DNAH1: variants seen among roughly 807,000 people sequenced by gnomAD.
The protein encoded by DNAH1 is axonemal beta dynein heavy chain 1.
Under a neutral mutation model 484.3 loss-of-function variants are expected in DNAH1, and 327 were observed. The observed-to-expected ratio is 0.68, with a 90% CI of 0.62 to 0.74. The LOEUF (loss-of-function observed/expected upper bound fraction) is 0.74. DNAH1 is among the 30% of genes least tolerant of loss of function. The pLI is 0.00. For missense variants in DNAH1, 5,052 were observed against 5,546.8 expected, an observed-to-expected ratio of 0.91 and a Z score of 2.83; for synonymous variants, 2,192 against 2,191.9, an observed-to-expected ratio of 1.00 and a Z score of 0.00.
intron 9 of DNAH1, among the ~76,000 whole-genome samples, chr3:52,345,184 C>T (rs746990630): frequency 7.9e-5 from 12 of 152,172 alleles, no homozygotes; most frequent in Non-Finnish European, 1.6e-4. Context: ...GTGGACAGAC[C>T]TTAAGCTTGT....
chr3:52,370,058 A>C, intron 38 of DNAH1, 39 bp downstream of exon 38: 1 of 1,613,660 alleles, frequency 6.2e-7, no homozygotes, highest in Non-Finnish European at 8.5e-7. Flanking sequence ...CTGGCAGGGC[A>C]GCAGGGCACT....
intron 44 of DNAH1, chr3:52,373,959 C>G (rs977121253): frequency 2.5e-5 from 31 of 1,224,244 alleles, no homozygotes; most frequent in Non-Finnish European, 3.5e-5. Flanking sequence ...CTGGCTTCAT[C>G]TACACTTATT....
rs1339917149 is a variant in DNAH1 at position 52,384,818 on chromosome 3, G to A, written c.8355G>A (p.Val2785=). Residue 2785 remains valine, a synonymous_variant, in exon 53 of 78, where the codon GTG becomes GTA. Coordinates refer to ENST00000420323, the MANE Select transcript of DNAH1 (RefSeq NM_015512.5). ...TCTGTGTGTACATCCACCAGTCGGT[G>A]TCCAAGAAGTGCATCGAGTACCTGG... ...IQVCVYIHQS[V]SKKCIEYLAE... 11 of 1,606,446 alleles carry A rather than the reference G, an allele frequency of 6.8e-6. No homozygotes were observed. The highest frequency in any genetic ancestry group is 9.4e-6 in the Non-Finnish European group (11 of 1,176,412).
chr3:52,344,760 C>A, intron 9 of DNAH1, 113 bp downstream of exon 9: 1 of 1,145,344 alleles, frequency 8.7e-7, no homozygotes, highest in Non-Finnish European at 1.2e-6. Flanking sequence ...ATCAGCCCAA[C>A]ACTCCCTGCA....
chr3:52,356,883 G>A, intron 22 of DNAH1, 105 bp downstream of exon 22: 1 of 1,360,882 alleles, frequency 7.3e-7, no homozygotes, highest in African/African-American at 1.4e-5. Flanking sequence ...AAAGGCTGGT[G>A]GACAAGCCTG....
chr3:52,383,290 T>A, intron 50 of DNAH1, 96 bp from the exon 51 acceptor site: 1 of 1,112,886 alleles, frequency 9.0e-7, no homozygotes, highest in Non-Finnish European at 1.3e-6. Context: ...AGTGGTACAG[T>A]CTGTCAAATG....
intron 6 of DNAH1, among the ~76,000 whole-genome samples, chr3:52,329,407 AT>A (rs1436092300): frequency 3.9e-5 from 6 of 152,216 alleles, no homozygotes; most frequent in Non-Finnish European, 8.8e-5. Context: ...GAGAAGCAAA[AT>A]AGGTGAGCTA....
At chr3:52,372,612 G>T (rs1252819755) in intron 43 of DNAH1, among the ~76,000 whole-genome samples, 1 of 152,228 alleles carries the variant, frequency 6.6e-6, no homozygotes. Flanking sequence ...GCTCGCCCTG[G>T]CTGTGCCCTT....
At chr3:52,351,673 C>A (rs1166318184) in intron 16 of DNAH1, among the ~76,000 whole-genome samples, 1 of 152,230 alleles carries the variant, frequency 6.6e-6, no homozygotes, top group Non-Finnish European at 1.5e-5. Flanking sequence ...CTTCTCACTT[C>A]CCCTTGGTCC....
In DNAH1 at chr3:52,333,080, C is replaced by T. The variant is rs533197700; in HGVS notation, c.1286+686C>T. 3.9e-5 allele frequency among the ~76,000 whole-genome samples: 6 copies of T among 152,246 alleles called. No individual in the cohort carries two copies. The East Asian group carries it at 1.2e-3, about 29-fold the overall frequency. ...TTTGTTATTTTTTGTAGAGACAGATCTCCCTATGTTGCCCAGGCTGGCCTT... is the reference window on the plus strand; with the variant it reads ...TTTGTTATTTTTTGTAGAGACAGATTTCCCTATGTTGCCCAGGCTGGCCTT... On this transcript the variant is annotated intron_variant, in intron 8 of 77. Coordinates refer to ENST00000420323, the MANE Select transcript of DNAH1 (RefSeq NM_015512.5).
chr3:52,373,129 G>A (rs2153224819), intron 44 of DNAH1, 76 bp downstream of exon 44: 1 of 1,470,136 alleles, frequency 6.8e-7, no homozygotes, highest in South Asian at 1.4e-5. Flanking sequence ...CAGCACTGAA[G>A]GCCTACAATA....
At position 52,389,524 on chromosome 3, in the gene DNAH1, C is replaced by T. The variant is rs1369373128; in HGVS notation, c.9559C>T (p.His3187Tyr). 3.1e-6 allele frequency: 5 copies of T among 1,591,074 alleles called. No individual in the cohort carries two copies. The highest frequency in any genetic ancestry group is 1.7e-6 in the Non-Finnish European group (2 of 1,169,144). The change falls in exon 60 of 78, where the codon CAC (histidine) becomes TAC (tyrosine). Residue 3187 changes from histidine (H) to tyrosine (Y), a missense_variant. Around this residue, in one of 4 missense-constraint regions of DNAH1, gnomAD observed 2,929 missense variants for 3,409.4 expected, o/e 0.86. Coordinates refer to ENST00000420323, the MANE Select transcript of DNAH1 (RefSeq NM_015512.5). ...VKQLRSHNVP[H>Y]TSEPTLIGTL... The stretch of plus-strand genomic sequence containing the variant: ...GCAGCTCAGGAGCCACAATGTCCCA[C>T]ACACCTCCGAGCCCACGCTAATCGG...
chr3:52,360,170 C>G (rs147459262), intron 27 of DNAH1, 91 bp downstream of exon 27: 12 of 1,579,120 alleles, frequency 7.6e-6, no homozygotes, highest in Non-Finnish European at 1.0e-5. Flanking sequence ...AAGCTGGTCT[C>G]TGTCCTTGAG....
In DNAH1 at chr3:52,389,576, G is replaced by A. The variant is rs970203810; in HGVS notation, c.9611G>A (p.Arg3204Gln). The change falls in exon 60 of 78, where the codon CGA becomes CAA. Residue 3204 changes from arginine (R) to glutamine (Q), a missense_variant. Physicochemically the swap from Arg to Gln is conservative, Grantham distance 43. Around this residue, in one of 4 missense-constraint regions of DNAH1, gnomAD observed 2,929 missense variants for 3,409.4 expected, o/e 0.86. Transcript: ENST00000420323. ...IGTLGNPVKI[R>Q]SWQIAGLPND... ...ACGCTGGGGAACCCTGTGAAGATCC[G>A]ATCGTGGCAGGTGCCCACCCCAGGG... is the stretch of plus-strand genomic sequence containing the variant. The A allele has an allele frequency of 2.6e-5, 39 of 1,497,388 alleles. No individual in the cohort carries two copies. The highest frequency in any genetic ancestry group is 3.3e-5 in the Non-Finnish European group (37 of 1,122,330). 92.8% of individuals were successfully genotyped at this position (1,497,388 alleles called of 1,614,324 possible). A position where few individuals can be genotyped will look rare whatever the true frequency, so the allele number is the denominator to read the frequency against.
At chr3:52,312,758 TTC>T (rs935962002), upstream of DNAH1, among the ~76,000 whole-genome samples, 2 of 152,156 alleles carry the variant, frequency 1.3e-5, no homozygotes, top group Non-Finnish European at 2.9e-5. Context: ...GTTCACACCA[TTC>T]TCTTGCCTCA....
intron 50 of DNAH1, among the ~76,000 whole-genome samples, chr3:52,383,159 C>T (rs1703932113): frequency 6.6e-6 from 1 of 152,200 alleles, no homozygotes; most frequent in Non-Finnish European, 1.5e-5. Flanking sequence ...CAGTGAGGAC[C>T]CAGTGTCCTG....
intron 64 of DNAH1, 46 bp downstream of exon 64, chr3:52,392,735 C>T: frequency 7.0e-7 from 1 of 1,436,238 alleles, no homozygotes; most frequent in Non-Finnish European, 9.4e-7. Flanking sequence ...GTGCCCCGGG[C>T]CTGCCCCCCA....
At chr3:52,346,043 A>G (rs559495216) in intron 10 of DNAH1, among the ~76,000 whole-genome samples, 1 of 152,170 alleles carries the variant, frequency 6.6e-6, no homozygotes, top group African/African-American at 2.4e-5. Context: ...TGACCTGTGG[A>G]TTGGGGTATG....
At chr3:52,375,561 C>A in intron 45 of DNAH1, 148 bp downstream of exon 45, 1 of 852,578 alleles carries the variant, frequency 1.2e-6, no homozygotes, top group Non-Finnish European at 1.8e-6. Context: ...GCTGTGTGAT[C>A]TTTGGCAGCT....
Sources: gnomAD v4.1 joint callset for allele counts (sites outside exome capture counted in the v4.1 genomes callset) on GRCh38, gnomAD v4.1.1 for gene constraint, gnomAD v4.1.1 regional missense constraint, MANE v1.5 for transcripts, NCBI Gene and HGNC (gene_info 2026-07-23, HGNC 2026-07-21) for gene names.